Variants in RAB38 observed in about 807,000 individuals in gnomAD.
The protein encoded by RAB38 is RAB38, member RAS oncogene family.
RAB38 carries 15 observed loss-of-function variants against 18.4 expected under a neutral mutation model. That is an observed-to-expected ratio of 0.82 (90% confidence interval 0.55 to 1.26). The LOEUF (loss-of-function observed/expected upper bound fraction) is 1.26. Among genes scored for constraint, RAB38 ranks in the 50% most tolerant of loss-of-function variants. The probability of loss-of-function intolerance (pLI) is 0.00; values close to 1 mark genes in which losing one functional copy is unlikely to be tolerated. For missense variants in RAB38, 294 were observed against 267.4 expected (o/e 1.10, Z -0.69); for synonymous variants, 101 against 104.4 (o/e 0.97, Z 0.20).
chr11:87,826,722 T>G, the RAB38 span, among the ~76,000 whole-genome samples: 1 of 152,158 alleles, frequency 6.6e-6, no homozygotes, highest in African/African-American at 2.4e-5. Context: ...TGGCAAGAAT[T>G]TTGTTCAAGT....
At chr11:87,914,483 A>G in the RAB38 span, among the ~76,000 whole-genome samples, 1 of 152,150 alleles carries the variant, frequency 6.6e-6, no homozygotes, top group African/African-American at 2.4e-5. Flanking sequence ...GTTACTTTTC[A>G]CTGCTCATGC....
chr11:87,951,323 T>A, the RAB38 span, among the ~76,000 whole-genome samples: 1 of 152,160 alleles, frequency 6.6e-6, no homozygotes, highest in South Asian at 2.1e-4. Flanking sequence ...TTTTAACTTC[T>A]TTGCCATTGG....
At chr11:87,854,146 GT>G in the RAB38 span, among the ~76,000 whole-genome samples, 1 of 152,028 alleles carries the variant, frequency 6.6e-6, no homozygotes, top group African/African-American at 2.4e-5. Flanking sequence ...TTTTGTTTTG[GT>G]TTTTTTGCCA....
At chr11:88,015,359 T>C in the RAB38 span, among the ~76,000 whole-genome samples, 1 of 152,168 alleles carries the variant, frequency 6.6e-6, no homozygotes, top group African/African-American at 2.4e-5. Flanking sequence ...TGGAGTCAGA[T>C]TGTTTACTTT....
the RAB38 span, among the ~76,000 whole-genome samples, chr11:88,019,752 A>G: frequency 6.6e-6 from 1 of 152,188 alleles, no homozygotes; most frequent in South Asian, 2.1e-4. Flanking sequence ...ATTTAACAGA[A>G]AATTTATGAC....
At chr11:88,008,097 G>C in the RAB38 span, among the ~76,000 whole-genome samples, 1 of 152,090 alleles carries the variant, frequency 6.6e-6, no homozygotes, top group African/African-American at 2.4e-5. Context: ...AGTGGGCATG[G>C]AAACTTTCAG....
At chr11:87,857,170 A>G in the RAB38 span, among the ~76,000 whole-genome samples, 1 of 152,134 alleles carries the variant, frequency 6.6e-6, no homozygotes, top group Non-Finnish European at 1.5e-5. Context: ...AGCTTCATCC[A>G]TGTCCCTACA....
chr11:88,070,370 G>T, the RAB38 span, among the ~76,000 whole-genome samples: 18 of 152,286 alleles, frequency 1.2e-4, no homozygotes, highest in African/African-American at 4.3e-4. Context: ...TTGAACATCA[G>T]AAGGAACAAA....
the RAB38 span, among the ~76,000 whole-genome samples, chr11:87,907,107 T>G: frequency 2.0e-5 from 3 of 151,928 alleles, no homozygotes; most frequent in Non-Finnish European, 4.4e-5. Context: ...TAAATAGTTA[T>G]GTATGGTATG....
chr11:88,130,262 C>T (rs556566039), intron 2 of RAB38, among the ~76,000 whole-genome samples: 118 of 152,132 alleles, frequency 7.8e-4, no homozygotes, highest in African/African-American at 2.7e-3. Flanking sequence ...AGGAACATCT[C>T]AGGTAAAATC....
the RAB38 span, among the ~76,000 whole-genome samples, chr11:88,024,731 A>G: frequency 2.0e-5 from 3 of 152,200 alleles, no homozygotes; most frequent in Admixed American, 6.5e-5. Flanking sequence ...AACAACATGG[A>G]AAGAACTGGA....
At chr11:88,059,356 G>T in the RAB38 span, among the ~76,000 whole-genome samples, 1 of 152,070 alleles carries the variant, frequency 6.6e-6, no homozygotes, top group South Asian at 2.1e-4. Context: ...TCTTAATAGG[G>T]GTATAATTCA....
At chr11:88,123,962 A>G (rs1440096659) in intron 2 of RAB38, among the ~76,000 whole-genome samples, 2 of 152,212 alleles carry the variant, frequency 1.3e-5, no homozygotes, top group Admixed American at 6.5e-5. Flanking sequence ...TTTTTCTTAT[A>G]TATGATTCTT....
At chr11:88,140,225 G>A (rs1414908154) in intron 2 of RAB38, among the ~76,000 whole-genome samples, 1 of 152,104 alleles carries the variant, frequency 6.6e-6, no homozygotes, top group African/African-American at 2.4e-5. Flanking sequence ...CACACTGCAG[G>A]GCACAACAAT....
At chr11:87,886,154 C>A in the RAB38 span, among the ~76,000 whole-genome samples, 7 of 152,066 alleles carry the variant, frequency 4.6e-5, no homozygotes, top group African/African-American at 1.2e-4. Context: ...GATCTAAGGG[C>A]CTTTACAGCC....
chr11:88,141,593 GA>G (rs1234468301), intron 2 of RAB38, among the ~76,000 whole-genome samples: 3 of 152,184 alleles, frequency 2.0e-5, no homozygotes, highest in African/African-American at 7.2e-5. Context: ...ACATTACTAA[GA>G]AACTGTTGAA....
chr11:87,848,663 A>G, the RAB38 span, among the ~76,000 whole-genome samples: 1 of 152,214 alleles, frequency 6.6e-6, no homozygotes, highest in East Asian at 1.9e-4. Flanking sequence ...CCAATACATA[A>G]TAACATTTTG....
the RAB38 span, among the ~76,000 whole-genome samples, chr11:87,836,925 G>T: frequency 6.6e-6 from 1 of 152,118 alleles, no homozygotes; most frequent in South Asian, 2.1e-4. Flanking sequence ...TTAATGAAAG[G>T]TTTTTATTTA....
chr11:87,803,777 A>G, the RAB38 span, among the ~76,000 whole-genome samples: 7 of 152,240 alleles, frequency 4.6e-5, no homozygotes, highest in African/African-American at 1.7e-4. Flanking sequence ...TAGGGCAGGC[A>G]TAGGATAGAC....
Sources: gnomAD v4.1 joint callset for allele counts (sites outside exome capture counted in the v4.1 genomes callset) on GRCh38, gnomAD v4.1.1 for gene constraint, MANE v1.5 for transcripts, NCBI Gene and HGNC (gene_info 2026-07-23, HGNC 2026-07-21) for gene names.